The following ATF6B variants were observed in gnomAD, a reference collection of about 807,000 sequenced individuals.
ATF6B encodes the protein cyclic AMP-dependent transcription factor ATF-6 beta.
Under a neutral mutation model 83.5 loss-of-function variants are expected in ATF6B, and 50 were observed. That is an observed-to-expected ratio of 0.60 (90% confidence interval 0.48 to 0.76). The LOEUF (loss-of-function observed/expected upper bound fraction) is 0.76, where lower values mean the gene tolerates loss of function less well. ATF6B is among the 30% of genes least tolerant of loss of function. The pLI, the probability that ATF6B is intolerant of heterozygous loss-of-function variation, is 0.00. For synonymous variants in ATF6B, 344 were observed against 362.8 expected (o/e 0.95, Z 0.59); for missense variants, 790 against 893.8 (o/e 0.88, Z 1.48).
At chr6:32,127,355 A>G in intron 3 of ATF6B, 87 bp downstream of exon 3, 1 of 1,459,866 alleles carries the variant, frequency 6.8e-7, no homozygotes, top group Non-Finnish European at 9.4e-7. Context: ...TAGAAGCGTG[A>G]GGATATAGGA....
rs1562913593 is a variant in ATF6B, at chr6:32,125,927, C to T, written c.478+190G>A. ...TAATATCCATCTCCTCAGCACTGCC[C>T]TTGCTGTGGTTCCCTGAAATGTTTC... On this transcript the variant is annotated intron_variant, in intron 5 of 17. Transcript: ENST00000375203. The surrounding 1 kb of genome is among the most constrained non-coding windows in gnomAD (Gnocchi z 4.1). 4.1e-6 allele frequency: 3 copies of T among 728,156 alleles called. 1 individual carries two copies. Among genetic ancestry groups the T allele is most frequent in the Non-Finnish European group, 6.6e-6 (3 of 456,260 alleles). The allele number at this position is 728,156 out of a possible 1,614,324, so 45.1% of individuals were successfully genotyped here. A position where few individuals can be genotyped will look rare whatever the true frequency, so the allele number is the denominator to read the frequency against.
In ATF6B at chr6:32,116,815, C is replaced by T. The variant is rs1433007712; in HGVS notation, c.1686G>A (p.Arg562=). The T allele has an allele frequency of 8.1e-6, 13 of 1,613,838 alleles. No homozygotes were observed. The highest frequency in any genetic ancestry group is 1.1e-5 in the Non-Finnish European group (13 of 1,179,928). The change falls in exon 16 of 18, where the codon AGG becomes AGA. Residue 562 remains arginine, a splice_region_variant and synonymous_variant. Transcript: ENST00000375203. This position sits in a 1 kb window ranked among gnomAD's most constrained non-coding sequence, Gnocchi z 5.1. ...ATAGTTGCAGCTGGCCCACAGAATC[C>T]CTAGGCAGGTGGGGAAACAGGATTT... ...VPIQPPGPPE[R]DSVGQLQLYR...
intron 5 of ATF6B, among the ~76,000 whole-genome samples, chr6:32,122,396 C>G (rs1221147249): frequency 6.6e-6 from 1 of 152,202 alleles, no homozygotes; most frequent in East Asian, 1.9e-4. Context: ...AGATTCAGCC[C>G]ACAGGTCAAC....
At position 32,125,992 on chromosome 6, in the gene ATF6B, C is replaced by T. The variant is rs1781956243; in HGVS notation, c.478+125G>A. 1.4e-6 allele frequency: 2 copies of T among 1,410,918 alleles called. No homozygotes were observed. Among genetic ancestry groups the T allele is most frequent in the Non-Finnish European group, 9.6e-7 (1 of 1,045,552 alleles). The allele number at this position is 1,410,918 out of a possible 1,614,324, so 87.4% of individuals were successfully genotyped here. A position where few individuals can be genotyped will look rare whatever the true frequency, so the allele number is the denominator to read the frequency against. On this transcript the variant is annotated intron_variant, in intron 5 of 17. Coordinates refer to ENST00000375203, the MANE Select transcript of ATF6B (RefSeq NM_004381.5). The surrounding 1 kb of genome is among the most constrained non-coding windows in gnomAD (Gnocchi z 4.1). The stretch of plus-strand genomic sequence containing the variant: ...TTCCCTCCTGGTTTTCTGCCATTTC[C>T]CCTCCCCACCTTTTTCTCCCTGTCC...
At chr6:32,121,558 C>A (rs919050787) in intron 5 of ATF6B, among the ~76,000 whole-genome samples, 5 of 152,094 alleles carry the variant, frequency 3.3e-5, no homozygotes, top group Middle Eastern at 3.4e-3. Context: ...CAAAATTAGT[C>A]GGGCATGGTG....
In ATF6B at chr6:32,116,158, T is replaced by C. The variant is rs1434765188; in HGVS notation, c.1883-190A>G. 2.0e-5 allele frequency among the ~76,000 whole-genome samples: 3 copies of C among 151,080 alleles called. No homozygotes were observed. Among genetic ancestry groups the C allele is most frequent in the Non-Finnish European group, 4.4e-5 (3 of 67,786 alleles). On this transcript the variant is annotated intron_variant, in intron 17 of 17. Coordinates refer to ENST00000375203, the MANE Select transcript of ATF6B (RefSeq NM_004381.5). The surrounding 1 kb of genome is among the most constrained non-coding windows in gnomAD (Gnocchi z 5.1). The stretch of plus-strand genomic sequence containing the variant: ...GTTTGGTGCAGGGGCAAGGAGAGGG[T>C]AGGAAAAGAAAAGGGCATTGAGTGT...
rs555984618 is a variant in ATF6B, at chr6:32,119,911, T to G, written c.879A>C (p.Glu293Asp). ...LIQGAIRVQP[E>D]GPAPSLPRPE... The stretch of plus-strand genomic sequence containing the variant: ...GCCGTGGTAGAGAGGGAGCCGGCCC[T>G]TCAGGCTGGACTCGAATAGCACCCT... Residue 293 changes from glutamate (E) to aspartate (D), a missense_variant, in exon 9 of 18, where the codon GAA becomes GAC. Transcript: ENST00000375203. This position sits in a 1 kb window ranked among gnomAD's most constrained non-coding sequence, Gnocchi z 4.9. 3.9e-5 allele frequency: 63 copies of G among 1,614,110 alleles called. No individual in the cohort carries two copies. In the South Asian group the frequency reaches 5.9e-4, roughly 15 times the overall value.
chr6:32,128,228 C>A lies in ATF6B; in HGVS notation c.-21G>T, dbSNP rs1257873891. 6 of 1,593,864 alleles carry A rather than the reference C, an allele frequency of 3.8e-6. No homozygotes were observed. Among genetic ancestry groups the A allele is most frequent in the Non-Finnish European group, 4.3e-6 (5 of 1,175,054 alleles). Reference sequence around the variant, plus strand: ...GCCATCTTTCCCCCCCACCCCCCAACCAGGAGACGGTTCCCAAGGCCCGCC... The same window carrying A: ...GCCATCTTTCCCCCCCACCCCCCAAACAGGAGACGGTTCCCAAGGCCCGCC... On this transcript the variant is annotated 5_prime_UTR_variant, in exon 1 of 18. Transcript: ENST00000375203.
chr6:32,127,965 T>C lies in ATF6B; in HGVS notation c.91+152A>G, dbSNP rs577526329. Reference sequence around the variant, plus strand: ...GAGCAGAGTTCTTCCCTGACTTTTGTATCCCCCTTAATGCACAACGAGCCC... The same window carrying C: ...GAGCAGAGTTCTTCCCTGACTTTTGCATCCCCCTTAATGCACAACGAGCCC... On this transcript the variant is annotated intron_variant, in intron 1 of 17. Transcript: ENST00000375203. 3.7e-5 allele frequency: 37 copies of C among 1,000,424 alleles called. 1 individual carries two copies. The highest frequency in any genetic ancestry group is 5.2e-5 in the Non-Finnish European group (35 of 676,482). 62.0% of individuals were successfully genotyped at this position (1,000,424 alleles called of 1,614,324 possible). A position where few individuals can be genotyped will look rare whatever the true frequency, so the allele number is the denominator to read the frequency against.
intron 3 of ATF6B, 65 bp from the exon 4 acceptor site, chr6:32,127,259 A>G: frequency 1.4e-6 from 2 of 1,463,870 alleles, no homozygotes; most frequent in Non-Finnish European, 1.9e-6. Flanking sequence ...AAAGTACCCA[A>G]GGACATGTCG....
At chr6:32,121,408 G>A in intron 5 of ATF6B, 60 bp from the exon 6 acceptor site, 1 of 1,510,736 alleles carries the variant, frequency 6.6e-7, no homozygotes, top group Non-Finnish European at 9.1e-7. Context: ...GGGTTAAGAG[G>A]GTTAAGATGG....
chr6:32,122,986 G>A (rs537529755), intron 5 of ATF6B, among the ~76,000 whole-genome samples: 3 of 151,906 alleles, frequency 2.0e-5, no homozygotes, highest in Non-Finnish European at 2.9e-5. Flanking sequence ...TTGGGAGGCC[G>A]ACACCCAACG....
chr6:32,123,610 G>C (rs993415516), intron 5 of ATF6B, among the ~76,000 whole-genome samples: 1 of 152,142 alleles, frequency 6.6e-6, no homozygotes, highest in Non-Finnish European at 1.5e-5. Context: ...GAATGGTCTT[G>C]ATCTCCTGAC....
In ATF6B at chr6:32,128,219, A is replaced by ACCCCCCC; in HGVS notation, c.-13_-12insGGGGGGG. 2.4e-6 allele frequency: 2 copies of ACCCCCCC among 845,184 alleles called. No homozygotes were observed. Among genetic ancestry groups the ACCCCCCC allele is most frequent in the South Asian group, 1.7e-5 (1 of 58,212 alleles). The allele number at this position is 845,184 out of a possible 1,614,324, so 52.4% of individuals were successfully genotyped here. ...ATCAGCTCCGCCATCTTTCCCCCCC[A>ACCCCCCC]CCCCCCAACCAGGAGACGGTTCCCA... On this transcript the variant is annotated 5_prime_UTR_variant, in exon 1 of 18. Transcript: ENST00000375203.
Position 32,115,473 on chromosome 6 carries a change from C to T in ATF6B, c.*266G>A. 1 of 400,940 alleles carries T rather than the reference C, an allele frequency of 2.5e-6. No homozygotes were observed. 24.8% of individuals were successfully genotyped at this position (400,940 alleles called of 1,614,324 possible). A position where few individuals can be genotyped will look rare whatever the true frequency, so the allele number is the denominator to read the frequency against. Reference sequence around the variant, plus strand: ...AAAATAAAAAATATGCAGCAGCTCACCACCCACCCCACAACTGAACCTCAC... The same window carrying T: ...AAAATAAAAAATATGCAGCAGCTCATCACCCACCCCACAACTGAACCTCAC... On this transcript the variant is annotated 3_prime_UTR_variant, in exon 18 of 18. Coordinates refer to ENST00000375203, the MANE Select transcript of ATF6B (RefSeq NM_004381.5).
At chr6:32,120,577 A>G in intron 8 of ATF6B, 194 bp downstream of exon 8, 1 of 547,344 alleles carries the variant, frequency 1.8e-6, no homozygotes, top group East Asian at 3.8e-5. Flanking sequence ...CAGCCTCCCG[A>G]GGAGCTGGGA....
rs2127349487 is a variant in ATF6B at position 32,127,605 on chromosome 6, ATGGGTCCAGGTTC to A, written c.171+53_171+65del. The A allele has an allele frequency of 1.9e-6, 3 of 1,611,692 alleles. No individual in the cohort carries two copies. The East Asian group carries it at 6.7e-5, about 36-fold the overall frequency. On this transcript the variant is annotated intron_variant, in intron 2 of 17. Transcript: ENST00000375203. ...ACTCCAGATGAGTTATGGCCTGTGA[ATGGGTCCAGGTTC>A]TGGGCTCACTTTCCACCCACCAAGG...
In ATF6B at chr6:32,115,629, C is replaced by T; in HGVS notation, c.*110G>A. 1.0e-6 allele frequency: 1 copy of T among 999,014 alleles called. No individual in the cohort carries two copies. Among genetic ancestry groups the T allele is most frequent in the South Asian group, 1.6e-5 (1 of 60,708 alleles). 61.9% of individuals were successfully genotyped at this position (999,014 alleles called of 1,614,324 possible). A position where few individuals can be genotyped will look rare whatever the true frequency, so the allele number is the denominator to read the frequency against. ...TAAGTGCTTAACCCCCACACCTGCT[C>T]TTTCCTTTACCAATTGCCCCAAGCC... On this transcript the variant is annotated 3_prime_UTR_variant, in exon 18 of 18. Coordinates refer to ENST00000375203, the MANE Select transcript of ATF6B (RefSeq NM_004381.5).
intron 5 of ATF6B, 107 bp downstream of exon 5, chr6:32,126,010 C>T (rs1562913672): frequency 1.3e-6 from 2 of 1,487,646 alleles, no homozygotes; most frequent in Admixed American, 2.0e-5. Flanking sequence ...ACCTTTTTCT[C>T]CCTGTCCTGC....
Sources: gnomAD v4.1 joint callset for allele counts (sites outside exome capture counted in the v4.1 genomes callset) on GRCh38, gnomAD v4.1.1 for gene constraint, Gnocchi (gnomAD v3.1) non-coding constraint, MANE v1.5 for transcripts, NCBI Gene and HGNC (gene_info 2026-07-23, HGNC 2026-07-21) for gene names.